Variants in ZNF652 observed in about 807,000 individuals in gnomAD.
ZNF652 encodes zinc finger protein 652.
ZNF652 carries 16 observed loss-of-function variants against 45.2 expected under a neutral mutation model. The observed-to-expected ratio is 0.35, with a 90% CI of 0.24 to 0.54. ZNF652 has a LOEUF of 0.54. Ranked by LOEUF, ZNF652 falls within the 20% of genes least tolerant of loss-of-function variation. The probability of loss-of-function intolerance (pLI) is 0.91; values close to 1 mark genes in which losing one functional copy is unlikely to be tolerated. For synonymous variants in ZNF652, 250 were observed against 260.6 expected (o/e 0.96, Z 0.39); for missense variants, 614 against 765.6 (o/e 0.80, Z 2.34).
Position 49,289,487 on chromosome 17 carries a change from G to A in ZNF652, c.*8926C>T, listed in dbSNP as rs984518842. On this transcript the variant is annotated 3_prime_UTR_variant, in exon 6 of 6. Coordinates refer to ENST00000430262, the MANE Select transcript of ZNF652 (RefSeq NM_001145365.3). ...TAATATCGGTATAGTTAACACAAGG[G>A]GGAAATCAGTACATTGAGGGATCTG... 2.6e-5 allele frequency: 4 copies of A among 152,296 alleles called. No individual in the cohort carries two copies. Among genetic ancestry groups the A allele is most frequent in the African/African-American group, 9.6e-5 (4 of 41,548 alleles). 9.4% of individuals were successfully genotyped at this position (152,296 alleles called of 1,614,324 possible).
At position 49,319,635 on chromosome 17, in the gene ZNF652, CAAAAAAAAAAAAAA is replaced by C. The variant is rs35770760; in HGVS notation, c.-258-1666_-258-1653del. Among the ~76,000 whole-genome samples, 363 of 46,256 alleles carry C rather than the reference CAAAAAAAAAAAAAA, an allele frequency of 7.8e-3. 3 individuals carry two copies. Among genetic ancestry groups the C allele is most frequent in the African/African-American group, 0.032 (341 of 10,796 alleles). The allele number at this position is 46,256 out of a possible 152,430, so 30.3% of individuals were successfully genotyped here. A position where few individuals can be genotyped will look rare whatever the true frequency, so the allele number is the denominator to read the frequency against. On this transcript the variant is annotated intron_variant, in intron 1 of 5. Coordinates refer to ENST00000430262, the MANE Select transcript of ZNF652 (RefSeq NM_001145365.3). ...CGACAGAGCTAGCTAGACTCTGTCT[CAAAAAAAAAAAAAA>C]AAAAAAAAAAAAGACAGGGTCTCAC...
At chr17:49,342,812 C>A (rs1302114293) in intron 1 of ZNF652, among the ~76,000 whole-genome samples, 1 of 152,032 alleles carries the variant, frequency 6.6e-6, no homozygotes, top group African/African-American at 2.4e-5. Flanking sequence ...GGCACAACAA[C>A]TGGTCAGTAA....
chr17:49,305,908 A>C (rs1029673882), intron 5 of ZNF652, among the ~76,000 whole-genome samples: 2 of 152,180 alleles, frequency 1.3e-5, no homozygotes, highest in African/African-American at 4.8e-5. Context: ...CAGTTCATAC[A>C]ATGTCCTTAA....
chr17:49,341,703 T>C (rs1384868795), intron 1 of ZNF652, among the ~76,000 whole-genome samples: 2 of 151,904 alleles, frequency 1.3e-5, no homozygotes, highest in East Asian at 3.9e-4. Context: ...AAAGTAGTAA[T>C]AGAAAATAGT....
rs1260777006 is a variant in ZNF652 at position 49,294,052 on chromosome 17, T to G, written c.*4361A>C. ...GCAAGATGGGGTAAATATACATATA[T>G]CTGCAATGGATTTCTATCTCTGCTT... On this transcript the variant is annotated 3_prime_UTR_variant, in exon 6 of 6. Coordinates refer to ENST00000430262, the MANE Select transcript of ZNF652 (RefSeq NM_001145365.3). 6.6e-6 allele frequency among the ~76,000 whole-genome samples: 1 copy of G among 152,170 alleles called. No individual in the cohort carries two copies. The highest frequency in any genetic ancestry group is 1.9e-4 in the East Asian group (1 of 5,200).
Position 49,294,422 on chromosome 17 carries a change from T to C in ZNF652, c.*3991A>G. On this transcript the variant is annotated 3_prime_UTR_variant, in exon 6 of 6. Coordinates refer to ENST00000430262, the MANE Select transcript of ZNF652 (RefSeq NM_001145365.3). ...GCACAGTCTTCTTTGAACTAAAGTT[T>C]TTTTTGTGGCGATCTCCCCTCTTGC... The C allele has an allele frequency of 6.6e-6, 1 of 152,186 alleles. No individual in the cohort carries two copies. Among genetic ancestry groups the C allele is most frequent in the Admixed American group, 6.5e-5 (1 of 15,280 alleles). The allele number at this position is 152,186 out of a possible 1,614,324, so 9.4% of individuals were successfully genotyped here. A position where few individuals can be genotyped will look rare whatever the true frequency, so the allele number is the denominator to read the frequency against.
At chr17:49,345,973 C>T (rs2070201355) in intron 1 of ZNF652, among the ~76,000 whole-genome samples, 1 of 152,120 alleles carries the variant, frequency 6.6e-6, no homozygotes, top group African/African-American at 2.4e-5. Flanking sequence ...TCAACATCAT[C>T]AAGCCTCAAA....
At chr17:49,345,705 G>T (rs1203547890) in intron 1 of ZNF652, among the ~76,000 whole-genome samples, 4 of 151,428 alleles carry the variant, frequency 2.6e-5, no homozygotes, top group African/African-American at 9.7e-5. Flanking sequence ...GCCGGGCGTG[G>T]TGGTGGGTGC....
intron 1 of ZNF652, among the ~76,000 whole-genome samples, chr17:49,349,389 A>C (rs1183290928): frequency 6.6e-6 from 1 of 152,166 alleles, no homozygotes; most frequent in African/African-American, 2.4e-5. Context: ...ACAGTGCAAA[A>C]TTCCATCTCA....
In ZNF652 at chr17:49,330,116, A is replaced by G. The variant is rs1242969291; in HGVS notation, c.-258-12133T>C. On this transcript the variant is annotated intron_variant, in intron 1 of 5. Coordinates refer to ENST00000430262, the MANE Select transcript of ZNF652 (RefSeq NM_001145365.3). Reference sequence around the variant, plus strand: ...TAAAAAGAAGGTAAGTTTTGTGTGTACTGTTGCCATCTTTTCTGTCAGAAT... The same window carrying G: ...TAAAAAGAAGGTAAGTTTTGTGTGTGCTGTTGCCATCTTTTCTGTCAGAAT... Among the ~76,000 whole-genome samples the G allele has an allele frequency of 3.3e-5, 5 of 152,290 alleles. No individual in the cohort carries two copies. The East Asian group carries it at 5.8e-4, about 18-fold the overall frequency.
At chr17:49,360,668 C>G (rs1223060541) in intron 1 of ZNF652, among the ~76,000 whole-genome samples, 1 of 152,118 alleles carries the variant, frequency 6.6e-6, no homozygotes, top group African/African-American at 2.4e-5. Context: ...AGCAGCTCCT[C>G]AATCCCTAAG....
intron 1 of ZNF652, chr17:49,361,213 G>T (rs991157492): frequency 2.0e-5 from 3 of 152,294 alleles, no homozygotes; most frequent in African/African-American, 7.2e-5. Context: ...CCTGAAGACA[G>T]ACTTCGAGGT....
chr17:49,317,272 C>G lies in ZNF652; in HGVS notation c.454G>C (p.Glu152Gln). 6.2e-7 allele frequency: 1 copy of G among 1,612,888 alleles called. No individual in the cohort carries two copies. Among genetic ancestry groups the G allele is most frequent in the Non-Finnish European group, 8.5e-7 (1 of 1,180,040 alleles). ...KETPVLKTSS[E>Q]EEEEESEEEA... ...TCCTCACTCTCTTCCTCTTCCTCCT[C>G]ACTGCTTGTCTTAAGAACAGGAGTC... The change falls in exon 2 of 6, where the codon GAG becomes CAG. Residue 152 changes from glutamate to glutamine, a missense_variant. Around this residue, in one of 5 missense-constraint regions of ZNF652, gnomAD observed 262 missense variants for 306.3 expected, o/e 0.86. Transcript: ENST00000430262.
intron 2 of ZNF652, among the ~76,000 whole-genome samples, chr17:49,313,284 T>A (rs1024026844): frequency 4.6e-5 from 7 of 152,048 alleles, no homozygotes; most frequent in African/African-American, 1.7e-4. Context: ...GCCTCCCAAG[T>A]AGCTGGGATT....
In ZNF652 at chr17:49,317,171, G is replaced by C; in HGVS notation, c.555C>G (p.Val185=). The change falls in exon 2 of 6, where the codon GTC becomes GTG. Residue 185 remains valine (V), a synonymous_variant. Transcript: ENST00000430262. ...TCCTGGTTCTCCTTTGTGTAACGCT[G>C]ACTTTCTCTACTATCTTCTCCTTTT... ...QKKKEKIVEK[V]SVTQRRTRRA... The C allele has an allele frequency of 6.2e-7, 1 of 1,613,808 alleles. No homozygotes were observed. Among genetic ancestry groups the C allele is most frequent in the Non-Finnish European group, 8.5e-7 (1 of 1,180,020 alleles).
chr17:49,300,846 A>G (rs1207040183), intron 5 of ZNF652, among the ~76,000 whole-genome samples: 8 of 152,208 alleles, frequency 5.3e-5, no homozygotes, highest in Non-Finnish European at 1.2e-4. Context: ...CAGTGACTGT[A>G]TGAGGCAGGT....
chr17:49,338,127 C>T (rs376480289), intron 1 of ZNF652, among the ~76,000 whole-genome samples: 4 of 151,536 alleles, frequency 2.6e-5, no homozygotes, highest in Admixed American at 6.6e-5. Context: ...AGCTGGCACA[C>T]GCCACCATGC....
At chr17:49,350,501 T>C (rs1274024743) in intron 1 of ZNF652, among the ~76,000 whole-genome samples, 1 of 147,798 alleles carries the variant, frequency 6.8e-6, no homozygotes, top group Non-Finnish European at 1.5e-5. Flanking sequence ...ATCGCGCCAC[T>C]GCACTCCAGC....
rs750436931 is a variant in ZNF652, at chr17:49,311,880, CA to C, written c.1164+46del. ...CTCTCTCACTGGTCCGCCATCTATGCAAACACTAGCCCCTAGGCCTGGGCCT... is the reference window on the plus strand; with the variant it reads ...CTCTCTCACTGGTCCGCCATCTATGCAACACTAGCCCCTAGGCCTGGGCCT... On this transcript the variant is annotated intron_variant, in intron 4 of 5. Coordinates refer to ENST00000430262, the MANE Select transcript of ZNF652 (RefSeq NM_001145365.3). The C allele has an allele frequency of 6.0e-6, 9 of 1,504,314 alleles. No individual in the cohort carries two copies. The South Asian group carries it at 1.1e-4, about 18-fold the overall frequency. 93.2% of individuals were successfully genotyped at this position (1,504,314 alleles called of 1,614,324 possible).
Sources: allele counts gnomAD v4.1 joint callset (sites outside exome capture counted in the v4.1 genomes callset), GRCh38; gene constraint gnomAD v4.1.1; regional missense constraint gnomAD v4.1.1; transcripts MANE v1.5; gene names NCBI Gene and HGNC (gene_info 2026-07-23, HGNC 2026-07-21).